SEMA3A: variants seen among roughly 807,000 people sequenced by gnomAD.
The protein encoded by SEMA3A is semaphorin 3A, also known as semaphorin-3A.
A neutral mutation model predicts 97.9 loss-of-function variants in SEMA3A; 29 were observed. The observed-to-expected ratio is 0.30, with a 90% CI of 0.22 to 0.40. The LOEUF is 0.40. Among genes scored for constraint, SEMA3A ranks in the 10% least tolerant of loss-of-function variants. The pLI is 1.00. For missense variants in SEMA3A, 763 were observed against 951.3 expected (o/e 0.80, Z 2.60); for synonymous variants, 321 against 323.7 (o/e 0.99, Z 0.09).
At chr7:84,256,459 T>G (rs1799722814) in intron 3 of SEMA3A, among the ~76,000 whole-genome samples, 1 of 152,092 alleles carries the variant, frequency 6.6e-6, no homozygotes, top group Non-Finnish European at 1.5e-5. Flanking sequence ...CTAAAAATAC[T>G]GTTTTAAAAA....
intron 1 of SEMA3A, among the ~76,000 whole-genome samples, chr7:84,384,816 A>T (rs1008373683): frequency 2.6e-5 from 4 of 152,188 alleles, no homozygotes; most frequent in African/African-American, 9.6e-5. Flanking sequence ...AATGTAGAGG[A>T]ATAATGTAAT....
At position 84,194,602 on chromosome 7, in the gene SEMA3A, G is replaced by A. The variant is rs374509051; in HGVS notation, c.-16C>T. The A allele has an allele frequency of 2.0e-6, 3 of 1,500,642 alleles. No individual in the cohort carries two copies. The African/African-American group carries it at 4.1e-5, about 21-fold the overall frequency. The allele number at this position is 1,500,642 out of a possible 1,614,324, so 93.0% of individuals were successfully genotyped here. A position where few individuals can be genotyped will look rare whatever the true frequency, so the allele number is the denominator to read the frequency against. ...ACCAGCCCATGCTGCAGACGCTGTA[G>A]GTCCCTTTGCTGCTTTAGTCTTCCT... On this transcript the variant is annotated 5_prime_UTR_variant, in exon 1 of 17. Coordinates refer to ENST00000265362, the MANE Select transcript of SEMA3A (RefSeq NM_006080.3).
At chr7:84,156,762 C>T (rs1331402614) in intron 1 of SEMA3A, among the ~76,000 whole-genome samples, 3 of 151,952 alleles carry the variant, frequency 2.0e-5, no homozygotes, top group South Asian at 2.1e-4. Flanking sequence ...TTTATTTGAA[C>T]GAAAGTCAAA....
chr7:84,373,087 G>C (rs963446648), intron 1 of SEMA3A, among the ~76,000 whole-genome samples: 11 of 152,250 alleles, frequency 7.2e-5, no homozygotes, highest in African/African-American at 2.4e-4. Flanking sequence ...GGTTTCAAAA[G>C]AATGATGAAA....
At position 83,963,357 on chromosome 7, in the gene SEMA3A, GATGAGAAAATGCA is replaced by G. The variant is rs776889056; in HGVS notation, c.1718-23_1718-11del. 1.9e-6 allele frequency: 3 copies of G among 1,603,794 alleles called. No homozygotes were observed. The African/African-American group carries it at 4.0e-5, about 21-fold the overall frequency. ...TGGCCATGGTGATTATCTGGCCAGT[GATGAGAAAATGCA>G]ATGAGAAAATATTAGAGAAGTAATT... On this transcript the variant is annotated splice_polypyrimidine_tract_variant and intron_variant, in intron 15 of 16. Transcript: ENST00000265362.
intron 1 of SEMA3A, among the ~76,000 whole-genome samples, chr7:84,488,216 G>A (rs571654521): frequency 2.0e-4 from 31 of 151,966 alleles, no homozygotes; most frequent in African/African-American, 7.2e-4. Flanking sequence ...TGAGAAGAAT[G>A]TTTTTCACTA....
At chr7:83,973,978 G>T (rs1789026764) in intron 15 of SEMA3A, among the ~76,000 whole-genome samples, 1 of 151,284 alleles carries the variant, frequency 6.6e-6, no homozygotes, top group Admixed American at 6.6e-5. Context: ...AATGGGAAGT[G>T]GTTTATAGGT....
intron 5 of SEMA3A, among the ~76,000 whole-genome samples, chr7:84,048,924 G>T (rs79216616): frequency 0.021 from 3,177 of 151,972 alleles, 28 homozygotes; most frequent in Middle Eastern, 0.037. Flanking sequence ...GGATAGAAAA[G>T]GTGTTTGTCT....
intron 7 of SEMA3A, among the ~76,000 whole-genome samples, chr7:84,013,457 A>G (rs76680701): frequency 0.012 from 1,809 of 152,176 alleles, 35 homozygotes; most frequent in African/African-American, 0.041. Context: ...GTGTGTGTGT[A>G]TATGTGTGCA....
chr7:84,106,194 G>A (rs117368638), intron 4 of SEMA3A, among the ~76,000 whole-genome samples: 132 of 152,222 alleles, frequency 8.7e-4, no homozygotes, highest in Middle Eastern at 3.4e-3. Context: ...AATGATGAAC[G>A]GCATGTAGGA....
intron 4 of SEMA3A, among the ~76,000 whole-genome samples, chr7:84,088,834 C>G (rs575422298): frequency 6.6e-6 from 1 of 151,966 alleles, no homozygotes; most frequent in Non-Finnish European, 1.5e-5. Flanking sequence ...AAGTTACTTG[C>G]AGCCATGATT....
intron 4 of SEMA3A, among the ~76,000 whole-genome samples, chr7:84,094,631 G>A (rs1794698795): frequency 6.6e-6 from 1 of 151,950 alleles, no homozygotes; most frequent in Non-Finnish European, 1.5e-5. Flanking sequence ...TATGTTACGT[G>A]ATAGTGGAAT....
chr7:84,002,197 A>G (rs1790484395), intron 11 of SEMA3A, 151 bp from the exon 12 acceptor site: 1 of 557,522 alleles, frequency 1.8e-6, no homozygotes, highest in Non-Finnish European at 3.2e-6. Flanking sequence ...AGTAAAATAT[A>G]TATTCAAATG....
At chr7:84,273,396 T>C (rs1800203762) in intron 3 of SEMA3A, among the ~76,000 whole-genome samples, 1 of 152,092 alleles carries the variant, frequency 6.6e-6, no homozygotes, top group Non-Finnish European at 1.5e-5. Context: ...AGAAGCATAA[T>C]TAATGATGGA....
At chr7:84,285,774 C>T (rs1800567077) in intron 3 of SEMA3A, among the ~76,000 whole-genome samples, 1 of 151,692 alleles carries the variant, frequency 6.6e-6, no homozygotes. Flanking sequence ...AACCTAGTCT[C>T]TAGAAAAAAC....
chr7:84,453,158 T>C (rs2527533), intron 1 of SEMA3A, among the ~76,000 whole-genome samples: 16,934 of 151,826 alleles, frequency 0.11, 1,761 homozygotes, highest in African/African-American at 0.26. Flanking sequence ...TACCTACTGC[T>C]AAGCAAATTC....
At chr7:84,443,080 G>A (rs911111817) in intron 1 of SEMA3A, among the ~76,000 whole-genome samples, 5 of 152,028 alleles carry the variant, frequency 3.3e-5, no homozygotes, top group Non-Finnish European at 2.9e-5. Context: ...AGAAGTATGC[G>A]AATAGAGGAT....
intron 2 of SEMA3A, among the ~76,000 whole-genome samples, chr7:84,360,999 C>G (rs1246515056): frequency 2.6e-5 from 4 of 151,990 alleles, no homozygotes; most frequent in Non-Finnish European, 4.4e-5. Context: ...ATTTTAAAAA[C>G]TATGTTATCA....
At chr7:84,375,383 G>A (rs1029251831) in intron 1 of SEMA3A, among the ~76,000 whole-genome samples, 1 of 152,116 alleles carries the variant, frequency 6.6e-6, no homozygotes, top group South Asian at 2.1e-4. Flanking sequence ...CATTGTTCAC[G>A]TATGCCACCT....
Sources: gnomAD v4.1 joint callset for allele counts (sites outside exome capture counted in the v4.1 genomes callset) on GRCh38, gnomAD v4.1.1 for gene constraint, MANE v1.5 for transcripts, NCBI Gene and HGNC (gene_info 2026-07-23, HGNC 2026-07-21) for gene names.